The following BMP5 variants were observed in gnomAD, a reference collection of about 807,000 sequenced individuals.
The protein encoded by BMP5 is bone morphogenetic protein 5.
A neutral mutation model predicts 46.6 loss-of-function variants in BMP5; 23 were observed. That is an observed-to-expected ratio of 0.49 (90% CI 0.35 to 0.70). The LOEUF is 0.70. Ranked by LOEUF, BMP5 falls within the 30% of genes least tolerant of loss-of-function variation. The pLI is 0.00. For synonymous variants in BMP5, 204 were observed against 191.9 expected (o/e 1.06, Z -0.52); for missense variants, 545 against 565.6 (o/e 0.96, Z 0.37).
chr6:55,821,487 G>A (rs1027572664), intron 1 of BMP5, among the ~76,000 whole-genome samples: 1 of 152,024 alleles, frequency 6.6e-6, no homozygotes, highest in African/African-American at 2.4e-5. Context: ...GCACCCAGTT[G>A]GAAGCATTTT....
At chr6:55,819,407 C>T (rs553769407) in intron 2 of BMP5, among the ~76,000 whole-genome samples, 1 of 152,072 alleles carries the variant, frequency 6.6e-6, no homozygotes, top group Non-Finnish European at 1.5e-5. Flanking sequence ...ACCTAGAAAG[C>T]ACATTTTTAG....
intron 1 of BMP5, among the ~76,000 whole-genome samples, chr6:55,849,412 C>T (rs1582117117): frequency 1.3e-5 from 2 of 152,060 alleles, no homozygotes; most frequent in African/African-American, 2.4e-5. Context: ...TGCTATTTTA[C>T]ATAAGATGAT....
At chr6:55,757,818 A>G (rs1488059776) in intron 6 of BMP5, among the ~76,000 whole-genome samples, 4 of 151,936 alleles carry the variant, frequency 2.6e-5, no homozygotes, top group African/African-American at 9.7e-5. Flanking sequence ...GTCTTTGATA[A>G]CGTTCATGCT....
At chr6:55,771,350 C>T (rs1220331499) in intron 4 of BMP5, among the ~76,000 whole-genome samples, 1 of 151,858 alleles carries the variant, frequency 6.6e-6, no homozygotes, top group African/African-American at 2.4e-5. Context: ...ATACCCTTTG[C>T]ACTGCCTCAA....
intron 1 of BMP5, among the ~76,000 whole-genome samples, chr6:55,841,254 G>A (rs1246294386): frequency 2.0e-5 from 3 of 152,062 alleles, no homozygotes; most frequent in African/African-American, 7.2e-5. Context: ...GGTTGATGTT[G>A]ATGTTTTTCA....
intron 1 of BMP5, among the ~76,000 whole-genome samples, chr6:55,838,690 T>G (rs1776882420): frequency 6.6e-6 from 1 of 152,180 alleles, no homozygotes; most frequent in Non-Finnish European, 1.5e-5. Flanking sequence ...CATCTGGACT[T>G]CTCCAGGTTA....
chr6:55,784,145 A>G (rs915518557), intron 3 of BMP5, among the ~76,000 whole-genome samples: 8 of 151,918 alleles, frequency 5.3e-5, no homozygotes, highest in African/African-American at 1.9e-4. Context: ...CCAGTGTAAG[A>G]TGTTCTTAAG....
intron 3 of BMP5, among the ~76,000 whole-genome samples, chr6:55,783,577 G>A (rs1244547571): frequency 6.6e-6 from 1 of 151,960 alleles, no homozygotes; most frequent in East Asian, 1.9e-4. Context: ...ATCTTTGAGA[G>A]ATATGTCAAC....
intron 1 of BMP5, among the ~76,000 whole-genome samples, chr6:55,850,788 G>A (rs896775359): frequency 3.3e-5 from 5 of 152,164 alleles, no homozygotes; most frequent in Non-Finnish European, 7.3e-5. Context: ...TAGTGATTAA[G>A]AAAGTAGGTT....
At chr6:55,819,885 G>C (rs762994884) in intron 1 of BMP5, 38 bp from the exon 2 acceptor site, 1 of 1,505,866 alleles carries the variant, frequency 6.6e-7, no homozygotes, top group Admixed American at 1.7e-5. Context: ...AAAAAAGTTA[G>C]TCTTTTATAA....
At chr6:55,874,348 T>C (rs759600261) in intron 1 of BMP5, 28 bp downstream of exon 1, 6 of 1,612,490 alleles carry the variant, frequency 3.7e-6, no homozygotes, top group Non-Finnish European at 5.1e-6. Context: ...TGTAATAACA[T>C]AGATTAACAA....
At chr6:55,771,190 A>G (rs992538516) in intron 4 of BMP5, among the ~76,000 whole-genome samples, 1 of 151,930 alleles carries the variant, frequency 6.6e-6, no homozygotes, top group Non-Finnish European at 1.5e-5. Flanking sequence ...ATTCTTTTCA[A>G]CACTGAATAT....
intron 2 of BMP5, among the ~76,000 whole-genome samples, chr6:55,800,772 T>A (rs1362170421): frequency 1.3e-5 from 2 of 152,184 alleles, no homozygotes; most frequent in Non-Finnish European, 2.9e-5. Flanking sequence ...GCCAAACTAT[T>A]TTTTCATAAG....
At chr6:55,784,809 T>A (rs1775407812) in intron 3 of BMP5, among the ~76,000 whole-genome samples, 1 of 151,850 alleles carries the variant, frequency 6.6e-6, no homozygotes. Context: ...AATGGCATTG[T>A]TTTATTTGGA....
intron 1 of BMP5, among the ~76,000 whole-genome samples, chr6:55,832,952 A>G (rs1776700599): frequency 6.6e-6 from 1 of 151,708 alleles, no homozygotes; most frequent in Non-Finnish European, 1.5e-5. Context: ...CTCTACAAAA[A>G]TTTAAAAAAA....
chr6:55,779,527 C>A (rs1468775486), intron 3 of BMP5, among the ~76,000 whole-genome samples: 3 of 151,996 alleles, frequency 2.0e-5, no homozygotes, highest in Non-Finnish European at 2.9e-5. Context: ...TACTAGAATT[C>A]TACCCTTTTT....
intron 2 of BMP5, among the ~76,000 whole-genome samples, chr6:55,812,710 A>T (rs568426758): frequency 6.6e-6 from 1 of 152,350 alleles, no homozygotes; most frequent in South Asian, 2.1e-4. Flanking sequence ...AAGTTTTGAG[A>T]GGTGACTCTG....
chr6:55,801,259 T>A (rs1453004180), intron 2 of BMP5, among the ~76,000 whole-genome samples: 1 of 152,228 alleles, frequency 6.6e-6, no homozygotes, highest in African/African-American at 2.4e-5. Flanking sequence ...GGTCAAGTGT[T>A]ATTGCAACTT....
At chr6:55,849,006 T>A (rs1161649268) in intron 1 of BMP5, among the ~76,000 whole-genome samples, 1 of 152,056 alleles carries the variant, frequency 6.6e-6, no homozygotes, top group Non-Finnish European at 1.5e-5. Context: ...TTAATTTAGC[T>A]CTATTTTAGA....
Sources: allele counts gnomAD v4.1 joint callset (sites outside exome capture counted in the v4.1 genomes callset), GRCh38; gene constraint gnomAD v4.1.1; transcripts MANE v1.5; gene names NCBI Gene and HGNC (gene_info 2026-07-23, HGNC 2026-07-21).